Variants in PIWIL4 observed in about 807,000 individuals in gnomAD.
The protein encoded by PIWIL4 is piwi-like protein 4.
A neutral mutation model predicts 100.9 loss-of-function variants in PIWIL4; 50 were observed. The observed-to-expected ratio is 0.50, with a 90% CI of 0.39 to 0.63. The LOEUF is 0.63. Ranked by LOEUF, PIWIL4 falls within the 20% of genes least tolerant of loss-of-function variation. The pLI, the probability that PIWIL4 is intolerant of heterozygous loss-of-function variation, is 0.00. For missense variants in PIWIL4, 887 were observed against 1,043.3 expected (o/e 0.85, Z 2.06); for synonymous variants, 342 against 367.5 (o/e 0.93, Z 0.79).
At chr11:94,587,427 C>G (rs956540059) in intron 7 of PIWIL4, among the ~76,000 whole-genome samples, 180 bp downstream of exon 7, 4 of 152,224 alleles carry the variant, frequency 2.6e-5, no homozygotes, top group Admixed American at 6.5e-5. Flanking sequence ...GCATTCTGGA[C>G]TGTCCACAAG....
chr11:94,593,784 A>C, intron 9 of PIWIL4, 143 bp downstream of exon 9: 1 of 897,692 alleles, frequency 1.1e-6, no homozygotes, highest in Non-Finnish European at 1.6e-6. Context: ...TAATTTATTC[A>C]ATAATAGAGA....
intron 6 of PIWIL4, among the ~76,000 whole-genome samples, chr11:94,586,469 C>A (rs1463839896): frequency 6.6e-6 from 1 of 152,106 alleles, no homozygotes; most frequent in Non-Finnish European, 1.5e-5. Context: ...GTTCCGGTTT[C>A]TCTTGTATAT....
At position 94,621,392 on chromosome 11, in the gene PIWIL4, A is replaced by C. The variant is rs1948903412; in HGVS notation, c.*400A>C. On this transcript the variant is annotated 3_prime_UTR_variant, in exon 20 of 20. Transcript: ENST00000299001. Reference sequence around the variant, plus strand: ...TGTAGAGCATTTTGTAGAGTGGTTTAAATAGTTGAAAATAAAGTTCAGAAC... The same window carrying C: ...TGTAGAGCATTTTGTAGAGTGGTTTCAATAGTTGAAAATAAAGTTCAGAAC... 6.1e-6 allele frequency: 1 copy of C among 163,346 alleles called. No individual in the cohort carries two copies. The highest frequency in any genetic ancestry group is 1.3e-5 in the Non-Finnish European group (1 of 75,300). The allele number at this position is 163,346 out of a possible 1,614,324, so 10.1% of individuals were successfully genotyped here. A position where few individuals can be genotyped will look rare whatever the true frequency, so the allele number is the denominator to read the frequency against.
intron 6 of PIWIL4, among the ~76,000 whole-genome samples, chr11:94,586,385 C>CTAT (rs1948398871): frequency 6.6e-6 from 1 of 151,978 alleles, no homozygotes; most frequent in African/African-American, 2.4e-5. Flanking sequence ...AAATAGTAGT[C>CTAT]TATTATTTCA....
chr11:94,576,813 T>G (rs887580473), intron 3 of PIWIL4, among the ~76,000 whole-genome samples: 2 of 152,222 alleles, frequency 1.3e-5, no homozygotes, highest in Non-Finnish European at 2.9e-5. Context: ...TTTTCAGAAT[T>G]TTCAGAAATA....
chr11:94,599,650 C>G (rs1245511334), intron 11 of PIWIL4, among the ~76,000 whole-genome samples: 1 of 152,178 alleles, frequency 6.6e-6, no homozygotes, highest in East Asian at 1.9e-4. Flanking sequence ...GGGGCTGAAT[C>G]CAGCCCAGCC....
At chr11:94,593,662 C>A in intron 9 of PIWIL4, 21 bp downstream of exon 9, 1 of 1,611,390 alleles carries the variant, frequency 6.2e-7, no homozygotes, top group Non-Finnish European at 8.5e-7. Context: ...TGTTTTATAC[C>A]TCTGTCAGGC....
chr11:94,613,078 T>G (rs1474477287), intron 15 of PIWIL4, among the ~76,000 whole-genome samples: 1 of 152,194 alleles, frequency 6.6e-6, no homozygotes, highest in Non-Finnish European at 1.5e-5. Context: ...TTTATATGTT[T>G]TTATGTTACT....
Position 94,575,020 on chromosome 11 carries a change from G to A in PIWIL4, c.188G>A (p.Gly63Asp). The change falls in exon 3 of 20, where the codon GGT becomes GAT. Residue 63 changes from glycine to aspartate, a missense_variant. Around this residue, in one of 2 missense-constraint regions of PIWIL4, gnomAD observed 146 missense variants for 113.4 expected, o/e 1.29. Transcript: ENST00000299001. ...STNDKYGISS[G>D]DAGSTFMERG... ...TTAGATAAATATGGGATATCTTCTG[G>A]TGATGCTGGAAGTACCTTCATGGAA... 2 of 1,612,738 alleles carry A rather than the reference G, an allele frequency of 1.2e-6. No individual in the cohort carries two copies. The highest frequency in any genetic ancestry group is 1.7e-6 in the Non-Finnish European group (2 of 1,178,886).
intron 4 of PIWIL4, among the ~76,000 whole-genome samples, chr11:94,581,061 G>A (rs967893625): frequency 2.6e-5 from 4 of 151,832 alleles, no homozygotes; most frequent in Admixed American, 6.6e-5. Context: ...CACCACACCC[G>A]GCTAATTTTT....
At chr11:94,594,575 C>CA (rs769955558) in intron 9 of PIWIL4, among the ~76,000 whole-genome samples, 11 of 151,848 alleles carry the variant, frequency 7.2e-5, no homozygotes, top group Non-Finnish European at 1.3e-4. Flanking sequence ...TCTTGTTGCC[C>CA]AGGCTGGAGT....
In PIWIL4 at chr11:94,619,863, T is replaced by G. The variant is rs143334859; in HGVS notation, c.2272T>G (p.Ser758Ala). 2.6e-5 allele frequency: 42 copies of G among 1,614,096 alleles called. No individual in the cohort carries two copies. In the African/African-American group the frequency reaches 3.7e-4, roughly 14 times the overall value. Reference protein sequence around the residue: ...QNPPLGTVVDSEATRNEWYDF... With the variant: ...QNPPLGTVVDAEATRNEWYDF... ...CCCCCCACTTGGCACTGTTGTGGAT[T>G]CAGAAGCAACACGTAACGAATGGCA... is the stretch of plus-strand genomic sequence containing the variant. The change falls in exon 18 of 20, where the codon TCA becomes GCA. Residue 758 changes from serine (S) to alanine (A), a missense_variant. Coordinates refer to ENST00000299001, the MANE Select transcript of PIWIL4 (RefSeq NM_152431.3).
intron 8 of PIWIL4, 64 bp downstream of exon 8, chr11:94,589,296 C>A: frequency 1.4e-6 from 2 of 1,393,900 alleles, no homozygotes; most frequent in Non-Finnish European, 2.0e-6. Context: ...CTCCTTATTC[C>A]AAGTCTCAGA....
At position 94,589,250 on chromosome 11, in the gene PIWIL4, G is replaced by A; in HGVS notation, c.1026+18G>A. 1 of 1,540,652 alleles carries A rather than the reference G, an allele frequency of 6.5e-7. No individual in the cohort carries two copies. ...ACAAGCAGGTAGGACTTTTCTTCAT[G>A]CATCTCTATCTCCTTTTCTTTTACC... is the stretch of plus-strand genomic sequence containing the variant. On this transcript the variant is annotated intron_variant, in intron 8 of 19. Transcript: ENST00000299001.
rs1948901277 is a variant in PIWIL4 at position 94,621,213 on chromosome 11, T to C, written c.*221T>C. On this transcript the variant is annotated 3_prime_UTR_variant, in exon 20 of 20. Transcript: ENST00000299001. ...TGCTTGGGGTAAATTTTCATTGTCA[T>C]ATGTGGAATTTAAATATACCATCAT... 1 of 469,664 alleles carries C rather than the reference T, an allele frequency of 2.1e-6. No homozygotes were observed. Among genetic ancestry groups the C allele is most frequent in the Admixed American group, 3.7e-5 (1 of 27,238 alleles). The allele number at this position is 469,664 out of a possible 1,614,324, so 29.1% of individuals were successfully genotyped here. A position where few individuals can be genotyped will look rare whatever the true frequency, so the allele number is the denominator to read the frequency against.
chr11:94,587,958 T>A (rs969197065), intron 7 of PIWIL4, among the ~76,000 whole-genome samples: 2 of 152,194 alleles, frequency 1.3e-5, no homozygotes, highest in African/African-American at 4.8e-5. Context: ...TTTTTAAAAA[T>A]TTTTTATTTT....
At chr11:94,606,959 A>T (rs1006138854) in intron 13 of PIWIL4, among the ~76,000 whole-genome samples, 2 of 151,814 alleles carry the variant, frequency 1.3e-5, no homozygotes, top group Non-Finnish European at 2.9e-5. Context: ...GTTATCTTGT[A>T]CCTAATGGGA....
Position 94,575,937 on chromosome 11 carries a change from G to A in PIWIL4, c.298+807G>A, listed in dbSNP as rs137911766. Among the ~76,000 whole-genome samples, 43 of 152,172 alleles carry A rather than the reference G, an allele frequency of 2.8e-4. No individual in the cohort carries two copies. The East Asian group carries it at 6.6e-3, about 23-fold the overall frequency. On this transcript the variant is annotated intron_variant, in intron 3 of 19. Transcript: ENST00000299001. ...AATATGTTGCTTTGCCATTTCCTCA[G>A]GATCTGGGAGAACAAAAGAGATCTG...
chr11:94,613,056 G>A (rs1049921400), intron 15 of PIWIL4, among the ~76,000 whole-genome samples: 5 of 152,204 alleles, frequency 3.3e-5, no homozygotes, highest in African/African-American at 9.6e-5. Context: ...CTATATTAGT[G>A]AGTTTTATGC....
Sources: allele counts gnomAD v4.1 joint callset (sites outside exome capture counted in the v4.1 genomes callset), GRCh38; gene constraint gnomAD v4.1.1; regional missense constraint gnomAD v4.1.1; transcripts MANE v1.5; gene names NCBI Gene and HGNC (gene_info 2026-07-23, HGNC 2026-07-21).